The following DOCK7 variants were observed in gnomAD, a reference collection of about 807,000 sequenced individuals.
The protein encoded by DOCK7 is dedicator of cytokinesis protein 7.
In DOCK7, 138 loss-of-function variants were observed where a neutral mutation model predicts 271.0. The observed-to-expected ratio is 0.51, with a 90% CI of 0.44 to 0.59. The LOEUF is 0.59. DOCK7 is among the 20% of genes least tolerant of loss of function. DOCK7 has a pLI of 0.00. For missense variants in DOCK7, 2,066 were observed against 2,592.4 expected, an observed-to-expected ratio of 0.80 and a Z score of 4.41; for synonymous variants, 823 against 876.1, an observed-to-expected ratio of 0.94 and a Z score of 1.07.
chr1:62,615,099 C>G (rs1037600218), intron 14 of DOCK7, among the ~76,000 whole-genome samples: 2 of 151,768 alleles, frequency 1.3e-5, no homozygotes, highest in African/African-American at 2.4e-5. Context: ...TATAGTCGTA[C>G]CATTTCAAGT....
chr1:62,515,841 A>T (rs1025082561), intron 31 of DOCK7, among the ~76,000 whole-genome samples: 4 of 152,246 alleles, frequency 2.6e-5, no homozygotes, highest in African/African-American at 9.6e-5. Flanking sequence ...GTTACTAAAA[A>T]ACTAAAATAA....
rs769058695 is a variant in DOCK7 at position 62,653,738 on chromosome 1, T to C, written c.376A>G (p.Ile126Val). The C allele has an allele frequency of 4.1e-5, 64 of 1,580,164 alleles. No homozygotes were observed. Among genetic ancestry groups the C allele is most frequent in the Admixed American group, 8.4e-5 (5 of 59,410 alleles). ...CATATAACTTACTTTCTGATGACAATTGCCCAGTCTTCTGTATAACTTCTT... is the reference window on the plus strand; with the variant it reads ...CATATAACTTACTTTCTGATGACAACTGCCCAGTCTTCTGTATAACTTCTT... ...CIRSYTEDWA[I>V]VIRKYHKLGT... The change falls in exon 4 of 50, where the codon ATT becomes GTT. Residue 126 changes from isoleucine to valine, a missense_variant. Transcript: ENST00000635253.
chr1:62,604,475 T>C (rs1650650837), intron 14 of DOCK7: 3 of 924,222 alleles, frequency 3.2e-6, no homozygotes, highest in Non-Finnish European at 4.9e-6. Flanking sequence ...ATACAGATTA[T>C]TTAAAATTGG....
chr1:62,536,487 C>T (rs1645349852), intron 28 of DOCK7, among the ~76,000 whole-genome samples: 1 of 152,022 alleles, frequency 6.6e-6, no homozygotes, highest in African/African-American at 2.4e-5. Flanking sequence ...ACATCTTTGG[C>T]AGAGGACAGG....
intron 8 of DOCK7, 23 bp from the exon 9 acceptor site, chr1:62,634,945 A>T: frequency 6.6e-7 from 1 of 1,519,180 alleles, no homozygotes; most frequent in Non-Finnish European, 9.0e-7. Flanking sequence ...AGTATGTTAA[A>T]CTTTAAAATA....
At chr1:62,549,515 T>G (rs1382795833) in intron 22 of DOCK7, among the ~76,000 whole-genome samples, 1 of 152,144 alleles carries the variant, frequency 6.6e-6, no homozygotes, top group Non-Finnish European at 1.5e-5. Flanking sequence ...TTTATTTAAT[T>G]TTGTGGGTAC....
At chr1:62,548,784 T>A (rs1311669785) in intron 22 of DOCK7, among the ~76,000 whole-genome samples, 4 of 152,122 alleles carry the variant, frequency 2.6e-5, no homozygotes, top group Non-Finnish European at 4.4e-5. Context: ...AGGGTAGAAG[T>A]AGGGAAACCA....
chr1:62,614,356 G>A (rs780779914), intron 14 of DOCK7, among the ~76,000 whole-genome samples: 3 of 151,778 alleles, frequency 2.0e-5, no homozygotes, highest in Admixed American at 2.0e-4. Flanking sequence ...TAAACTATCA[G>A]TTCCTAAACA....
At chr1:62,618,940 C>T (rs1652798521) in intron 13 of DOCK7, 72 bp from the exon 14 acceptor site, 1 of 1,389,458 alleles carries the variant, frequency 7.2e-7, no homozygotes, top group African/African-American at 1.5e-5. Context: ...TTTTAAAGGA[C>T]TTGGATCCTA....
At chr1:62,555,781 T>C (rs377209027) in intron 21 of DOCK7, 44 bp downstream of exon 21, 45 of 1,577,566 alleles carry the variant, frequency 2.9e-5, no homozygotes, top group African/African-American at 5.5e-5. Flanking sequence ...GACATGAACA[T>C]ATAATTTATG....
intron 9 of DOCK7, chr1:62,633,881 A>G (rs190254979): frequency 4.4e-4 from 100 of 228,490 alleles, no homozygotes; most frequent in African/African-American, 2.2e-3. Context: ...CAAGACAAGA[A>G]TGCCCACATT....
intron 41 of DOCK7, 35 bp downstream of exon 41, chr1:62,492,669 A>C (rs1308016990): frequency 3.7e-6 from 6 of 1,612,440 alleles, no homozygotes; most frequent in Non-Finnish European, 4.2e-6. Flanking sequence ...TAGAGGTATG[A>C]AACTGTGGGA....
intron 28 of DOCK7, among the ~76,000 whole-genome samples, chr1:62,536,614 G>C (rs973783061): frequency 6.6e-6 from 1 of 152,116 alleles, no homozygotes; most frequent in African/African-American, 2.4e-5. Context: ...AAAATGAAAA[G>C]TTGTGGGTAC....
chr1:62,643,888 T>G (rs971620056), intron 7 of DOCK7, among the ~76,000 whole-genome samples: 2 of 152,062 alleles, frequency 1.3e-5, no homozygotes, highest in African/African-American at 4.8e-5. Flanking sequence ...CCCATCTAAA[T>G]GGATTTATAA....
chr1:62,596,614 G>C (rs1277466714), intron 14 of DOCK7, among the ~76,000 whole-genome samples: 1 of 151,898 alleles, frequency 6.6e-6, no homozygotes, highest in Non-Finnish European at 1.5e-5. Flanking sequence ...TTCCAGACCA[G>C]CATGGGCAAT....
At chr1:62,527,943 C>T (rs960186273) in intron 31 of DOCK7, among the ~76,000 whole-genome samples, 1 of 150,506 alleles carries the variant, frequency 6.6e-6, no homozygotes, top group Non-Finnish European at 1.5e-5. Context: ...TGACAGAATA[C>T]GGGGCTTTTT....
intron 1 of DOCK7, among the ~76,000 whole-genome samples, chr1:62,682,975 G>C (rs1469863587): frequency 6.6e-6 from 1 of 152,174 alleles, no homozygotes; most frequent in Non-Finnish European, 1.5e-5. Context: ...TCAGGCTCAA[G>C]GGAAAGATGG....
At chr1:62,586,677 G>T in intron 14 of DOCK7, 53 bp from the exon 15 acceptor site, 1 of 965,092 alleles carries the variant, frequency 1.0e-6, no homozygotes, top group Non-Finnish European at 1.6e-6. Context: ...GAAACACTAT[G>T]TATCACTCAC....
chr1:62,474,836 C>T (rs1645924773), intron 47 of DOCK7, among the ~76,000 whole-genome samples: 1 of 152,044 alleles, frequency 6.6e-6, no homozygotes, highest in Non-Finnish European at 1.5e-5. Flanking sequence ...TTTCTTGTGT[C>T]AATATATTTT....
Sources: gnomAD v4.1 joint callset for allele counts (sites outside exome capture counted in the v4.1 genomes callset) on GRCh38, gnomAD v4.1.1 for gene constraint, MANE v1.5 for transcripts, NCBI Gene and HGNC (gene_info 2026-07-23, HGNC 2026-07-21) for gene names.